GAB1: variants seen among roughly 807,000 people sequenced by gnomAD.
GAB1 encodes the protein GRB2 associated binding protein 1.
GAB1 carries 19 observed loss-of-function variants against 66.5 expected under a neutral mutation model. That is an observed-to-expected ratio of 0.29 (90% confidence interval 0.20 to 0.42). The LOEUF is 0.42. Among genes scored for constraint, GAB1 ranks in the 10% least tolerant of loss-of-function variants. GAB1 has a pLI of 1.00. For missense variants in GAB1, 732 were observed against 858.5 expected, an observed-to-expected ratio of 0.85 and a Z score of 1.84; for synonymous variants, 294 against 301.4, an observed-to-expected ratio of 0.98 and a Z score of 0.25.
chr4:143,459,619 A>G (rs565496975), intron 7 of GAB1, 141 bp downstream of exon 7: 115 of 653,336 alleles, frequency 1.8e-4, no homozygotes, highest in African/African-American at 1.6e-3. Flanking sequence ...TGTGAAGTCA[A>G]AACCATTTTC....
At chr4:143,431,426 A>G (rs1733645827) in intron 2 of GAB1, among the ~76,000 whole-genome samples, 1 of 152,218 alleles carries the variant, frequency 6.6e-6, no homozygotes, top group South Asian at 2.1e-4. Context: ...AGAGAAAAAC[A>G]TAAAGGCCTT....
intron 1 of GAB1, among the ~76,000 whole-genome samples, chr4:143,409,811 A>G (rs912389387): frequency 3.3e-5 from 5 of 152,170 alleles, no homozygotes; most frequent in African/African-American, 1.2e-4. Context: ...TGAGCAGAAG[A>G]TATTAATATA....
At chr4:143,391,848 C>T (rs1343129996) in intron 1 of GAB1, among the ~76,000 whole-genome samples, 1 of 152,112 alleles carries the variant, frequency 6.6e-6, no homozygotes, top group African/African-American at 2.4e-5. Context: ...TGCCCAAATT[C>T]TTAAGGACAG....
intron 1 of GAB1, among the ~76,000 whole-genome samples, chr4:143,346,633 G>C (rs1729000530): frequency 6.6e-6 from 1 of 152,180 alleles, no homozygotes; most frequent in South Asian, 2.1e-4. Flanking sequence ...ACCTCATTCA[G>C]CTAGGGAGGT....
intron 1 of GAB1, among the ~76,000 whole-genome samples, chr4:143,375,631 C>T (rs1020260179): frequency 1.3e-5 from 2 of 152,230 alleles, no homozygotes; most frequent in African/African-American, 4.8e-5. Context: ...AAAGTCTCTT[C>T]AGCTACCTGT....
chr4:143,403,812 GA>G (rs1368097426), intron 1 of GAB1, among the ~76,000 whole-genome samples: 7 of 152,216 alleles, frequency 4.6e-5, no homozygotes, highest in African/African-American at 1.7e-4. Context: ...AGTAGCTCCA[GA>G]AGGCATAATT....
intron 1 of GAB1, among the ~76,000 whole-genome samples, chr4:143,356,235 G>A (rs1024238022): frequency 2.0e-5 from 3 of 152,130 alleles, no homozygotes; most frequent in Non-Finnish European, 4.4e-5. Context: ...TTGATATTGT[G>A]CTGAAGATGT....
At chr4:143,400,542 G>A (rs1731714410) in intron 1 of GAB1, among the ~76,000 whole-genome samples, 1 of 152,114 alleles carries the variant, frequency 6.6e-6, no homozygotes, top group South Asian at 2.1e-4. Context: ...CCATGTCTAG[G>A]GAGGCTAGCT....
chr4:143,404,993 A>G (rs985176190), intron 1 of GAB1, among the ~76,000 whole-genome samples: 10 of 152,178 alleles, frequency 6.6e-5, no homozygotes, highest in African/African-American at 2.4e-4. Context: ...GTGCAGGAAA[A>G]TTTTATGTCT....
intron 6 of GAB1, among the ~76,000 whole-genome samples, chr4:143,452,237 G>A (rs536208500): frequency 6.6e-5 from 10 of 152,160 alleles, no homozygotes; most frequent in Admixed American, 1.3e-4. Flanking sequence ...GCCACTGTGC[G>A]TGGCCTGCAA....
chr4:143,366,152 A>G (rs1729873540), intron 1 of GAB1, among the ~76,000 whole-genome samples: 1 of 152,224 alleles, frequency 6.6e-6, no homozygotes, highest in African/African-American at 2.4e-5. Context: ...CTCATAGTCC[A>G]CAAGGTCACT....
intron 1 of GAB1, among the ~76,000 whole-genome samples, chr4:143,401,032 C>A (rs115080882): frequency 6.6e-6 from 1 of 150,524 alleles, no homozygotes; most frequent in African/African-American, 2.4e-5. Flanking sequence ...AAATACAGAA[C>A]GGTGTTTTTG....
intron 1 of GAB1, among the ~76,000 whole-genome samples, chr4:143,399,030 T>C (rs1391507204): frequency 6.6e-6 from 1 of 152,248 alleles, no homozygotes; most frequent in Non-Finnish European, 1.5e-5. Flanking sequence ...CAGCCATACC[T>C]GCCATCACTG....
intron 1 of GAB1, among the ~76,000 whole-genome samples, chr4:143,402,272 T>A (rs1731818929): frequency 6.6e-6 from 1 of 152,216 alleles, no homozygotes; most frequent in Non-Finnish European, 1.5e-5. Flanking sequence ...CCAGGTTGAT[T>A]GAAGCATTAT....
intron 1 of GAB1, among the ~76,000 whole-genome samples, chr4:143,399,840 G>A (rs114196344): frequency 0.031 from 4,723 of 151,814 alleles, 123 homozygotes; most frequent in South Asian, 0.088. Context: ...ACTTAATAAC[G>A]AACACTTAGT....
At chr4:143,349,482 T>C in intron 1 of GAB1, 3 of 1,517,606 alleles carry the variant, frequency 2.0e-6, no homozygotes, top group Non-Finnish European at 2.7e-6. Context: ...AGCCCTGGGC[T>C]GGGGTGTAGC....
chr4:143,376,551 T>G (rs1205628793), intron 1 of GAB1, among the ~76,000 whole-genome samples: 1 of 152,236 alleles, frequency 6.6e-6, no homozygotes, highest in Non-Finnish European at 1.5e-5. Flanking sequence ...ATTGGCCTTT[T>G]TCAAAAAATG....
intron 1 of GAB1, among the ~76,000 whole-genome samples, chr4:143,373,577 C>G (rs1378529434): frequency 6.6e-6 from 1 of 152,112 alleles, no homozygotes; most frequent in African/African-American, 2.4e-5. Context: ...GCCTATAACC[C>G]TAGCACTTTG....
intron 2 of GAB1, among the ~76,000 whole-genome samples, chr4:143,418,766 AAT>A (rs1290047877): frequency 6.6e-6 from 1 of 152,194 alleles, no homozygotes; most frequent in Non-Finnish European, 1.5e-5. Flanking sequence ...TCAGTCAAGG[AAT>A]ATGAGTCTAA....
Sources: allele counts gnomAD v4.1 joint callset (sites outside exome capture counted in the v4.1 genomes callset), GRCh38; gene constraint gnomAD v4.1.1; transcripts MANE v1.5; gene names NCBI Gene and HGNC (gene_info 2026-07-23, HGNC 2026-07-21).